Variants in GRM3 observed in about 807,000 individuals in gnomAD.
GRM3 encodes metabotropic glutamate receptor 3.
Under a neutral mutation model 70.5 loss-of-function variants are expected in GRM3, and 26 were observed. The ratio of observed to expected loss-of-function variants is 0.37; its 90% confidence interval spans 0.27 to 0.51. The LOEUF is 0.51. GRM3 is among the 20% of genes least tolerant of loss of function. The pLI is 0.93. For missense variants in GRM3, 859 were observed against 1,123.8 expected, an observed-to-expected ratio of 0.76 and a Z score of 3.37; for synonymous variants, 443 against 434.9, an observed-to-expected ratio of 1.02 and a Z score of -0.23.
intron 1 of GRM3, among the ~76,000 whole-genome samples, chr7:86,719,124 G>T (rs1795391804): frequency 1.3e-5 from 2 of 151,376 alleles, no homozygotes. Flanking sequence ...AAGCAGTTCT[G>T]GGGGAAAAAA....
Position 86,673,313 on chromosome 7 carries a change from T to C in GRM3, c.-141+28441T>C, listed in dbSNP as rs802448. On this transcript the variant is annotated intron_variant, in intron 1 of 5. Coordinates refer to ENST00000361669, the MANE Select transcript of GRM3 (RefSeq NM_000840.3). ...AGCAAGACATCTTTCCTCCTGTTAC[T>C]TCATCTGGAAAACTAGTAACTATCG... Among the ~76,000 whole-genome samples the C allele has an allele frequency of 3.2e-4, 48 of 152,300 alleles. 1 individual carries two copies. The highest frequency in any genetic ancestry group is 1.1e-3 in the African/African-American group (46 of 41,562).
At chr7:86,776,437 C>T (rs1168313157) in intron 2 of GRM3, among the ~76,000 whole-genome samples, 1 of 152,080 alleles carries the variant, frequency 6.6e-6, no homozygotes, top group African/African-American at 2.4e-5. Context: ...AACAAGAAAA[C>T]AATGAATAAC....
chr7:86,649,207 T>C (rs1176353587), intron 1 of GRM3, among the ~76,000 whole-genome samples: 1 of 152,178 alleles, frequency 6.6e-6, no homozygotes, highest in Non-Finnish European at 1.5e-5. Flanking sequence ...CATCACATAG[T>C]GGTGAGCACC....
intron 3 of GRM3, among the ~76,000 whole-genome samples, chr7:86,822,012 C>T (rs1420816774): frequency 6.6e-6 from 1 of 151,348 alleles, no homozygotes; most frequent in Non-Finnish European, 1.5e-5. Flanking sequence ...AATAAGTCAT[C>T]AAGCAGGTTG....
At chr7:86,812,195 G>A (rs1320470750) in intron 3 of GRM3, among the ~76,000 whole-genome samples, 1 of 151,710 alleles carries the variant, frequency 6.6e-6, no homozygotes, top group Non-Finnish European at 1.5e-5. Context: ...CTGCAAGTAG[G>A]AAAATACATA....
At chr7:86,661,013 T>A (rs2115838774) in intron 1 of GRM3, among the ~76,000 whole-genome samples, 1 of 152,084 alleles carries the variant, frequency 6.6e-6, no homozygotes, top group Non-Finnish European at 1.5e-5. Flanking sequence ...TCAAAGATCT[T>A]TCTTTACAAT....
chr7:86,744,281 C>T (rs944694869), intron 1 of GRM3, among the ~76,000 whole-genome samples: 1 of 151,402 alleles, frequency 6.6e-6, no homozygotes, highest in Non-Finnish European at 1.5e-5. Context: ...ACAGGCAGTG[C>T]TAGAAACACT....
At chr7:86,699,372 T>C (rs1794900118) in intron 1 of GRM3, among the ~76,000 whole-genome samples, 1 of 152,034 alleles carries the variant, frequency 6.6e-6, no homozygotes, top group Non-Finnish European at 1.5e-5. Flanking sequence ...GCACTGTTTA[T>C]TGTGGTAGTT....
At chr7:86,765,805 A>C (rs569602908) in intron 2 of GRM3, among the ~76,000 whole-genome samples, 192 bp downstream of exon 2, 75 of 152,300 alleles carry the variant, frequency 4.9e-4, no homozygotes, top group African/African-American at 1.7e-3. Flanking sequence ...AATTGTTTAG[A>C]AGCATATCAG....
At position 86,787,102 on chromosome 7, in the gene GRM3, A is replaced by G; in HGVS notation, c.1310A>G (p.Lys437Arg). The G allele has an allele frequency of 6.2e-7, 1 of 1,601,940 alleles. No homozygotes were observed. The highest frequency in any genetic ancestry group is 8.5e-7 in the Non-Finnish European group (1 of 1,171,978). Reference sequence around the variant, plus strand: ...AAGTTGTACAAGGATTACTTGCTGAAAATCAACTTCACGGGTAAGCCAAGA... The same window carrying G: ...AAGTTGTACAAGGATTACTTGCTGAGAATCAACTTCACGGGTAAGCCAAGA... ...GKKLYKDYLL[K>R]INFTAPFNPN... The change falls in exon 3 of 6, where the codon AAA becomes AGA. Residue 437 changes from lysine to arginine, a missense_variant. By Grantham distance (26) the Lys-to-Arg change is conservative. Coordinates refer to ENST00000361669, the MANE Select transcript of GRM3 (RefSeq NM_000840.3).
intron 1 of GRM3, among the ~76,000 whole-genome samples, chr7:86,760,864 GA>G (rs1257394214): frequency 2.0e-5 from 3 of 151,870 alleles, no homozygotes; most frequent in African/African-American, 4.8e-5. Context: ...GAGCTAAAAG[GA>G]AAAAATATTT....
At chr7:86,677,967 A>G (rs917668697) in intron 1 of GRM3, among the ~76,000 whole-genome samples, 8 of 152,016 alleles carry the variant, frequency 5.3e-5, no homozygotes, top group Non-Finnish European at 1.0e-4. Context: ...TTTCCCAAAA[A>G]GGAGACTAGT....
chr7:86,686,247 A>G (rs1255586528), intron 1 of GRM3, among the ~76,000 whole-genome samples: 4 of 152,146 alleles, frequency 2.6e-5, no homozygotes, highest in African/African-American at 9.7e-5. Context: ...CCAGTTTGGC[A>G]TGGGAGAACA....
chr7:86,699,489 ATTAAAC>A (rs1198170212), intron 1 of GRM3, among the ~76,000 whole-genome samples: 1 of 152,048 alleles, frequency 6.6e-6, no homozygotes, highest in Non-Finnish European at 1.5e-5. Context: ...GATAAGAGCA[ATTAAAC>A]TTAACACTAG....
rs112137574 is a variant in GRM3, at chr7:86,646,372, A to C, written c.-141+1500A>C. Among the ~76,000 whole-genome samples the C allele has an allele frequency of 7.0e-3, 1,060 of 152,278 alleles. 19 individuals are homozygous for C. The highest frequency in any genetic ancestry group is 0.024 in the African/African-American group (994 of 41,548). Reference sequence around the variant, plus strand: ...CTTACACCTGTAGACTTTAGCTGTCAATCTTATTGGGTTTTGATCACCCAG... The same window carrying C: ...CTTACACCTGTAGACTTTAGCTGTCCATCTTATTGGGTTTTGATCACCCAG... On this transcript the variant is annotated intron_variant, in intron 1 of 5. Transcript: ENST00000361669.
At chr7:86,811,951 A>G (rs1024692056) in intron 3 of GRM3, among the ~76,000 whole-genome samples, 5 of 151,414 alleles carry the variant, frequency 3.3e-5, no homozygotes, top group African/African-American at 9.7e-5. Context: ...CTGTTGATAT[A>G]TAGCTTATAA....
At chr7:86,790,574 G>A (rs1211614904) in intron 3 of GRM3, among the ~76,000 whole-genome samples, 1 of 152,088 alleles carries the variant, frequency 6.6e-6, no homozygotes, top group Non-Finnish European at 1.5e-5. Flanking sequence ...CACTCATAGT[G>A]AAAGTCAACA....
chr7:86,768,678 C>T lies in GRM3; in HGVS notation c.468+3065C>T, dbSNP rs560323258. Among the ~76,000 whole-genome samples, 193 of 152,110 alleles carry T rather than the reference C, an allele frequency of 1.3e-3. No homozygotes were observed. In the South Asian group the frequency reaches 0.023, roughly 18 times the overall value. On this transcript the variant is annotated intron_variant, in intron 2 of 5. Coordinates refer to ENST00000361669, the MANE Select transcript of GRM3 (RefSeq NM_000840.3). Reference sequence around the variant, plus strand: ...AGGCCAATCAGAAAACTGTGGGAGACGTCCATGTACAAGGGGATAAAGGCC... The same window carrying T: ...AGGCCAATCAGAAAACTGTGGGAGATGTCCATGTACAAGGGGATAAAGGCC...
chr7:86,662,328 A>G (rs1027979862), intron 1 of GRM3, among the ~76,000 whole-genome samples: 1 of 151,894 alleles, frequency 6.6e-6, no homozygotes. Flanking sequence ...TCATTTCTTT[A>G]TCACTGAAAT....
Sources: gnomAD v4.1 joint callset for allele counts (sites outside exome capture counted in the v4.1 genomes callset) on GRCh38, gnomAD v4.1.1 for gene constraint, MANE v1.5 for transcripts, NCBI Gene and HGNC (gene_info 2026-07-23, HGNC 2026-07-21) for gene names.